Variants in PPM1B observed in about 807,000 individuals in gnomAD.
PPM1B encodes the protein protein phosphatase, Mg2+/Mn2+ dependent 1B.
In PPM1B, 22 loss-of-function variants were observed where a neutral mutation model predicts 43.0. The observed-to-expected ratio is 0.51, with a 90% CI of 0.37 to 0.73. The LOEUF (loss-of-function observed/expected upper bound fraction) is 0.73, where lower values mean the gene tolerates loss of function less well. PPM1B is among the 30% of genes least tolerant of loss of function. The pLI, the probability that PPM1B is intolerant of heterozygous loss-of-function variation, is 0.00. For missense variants in PPM1B, 632 were observed against 584.2 expected (o/e 1.08, Z -0.84); for synonymous variants, 217 against 197.9 (o/e 1.10, Z -0.81).
At chr2:44,234,548 T>C (rs1033257291), downstream of PPM1B, 8 of 984,556 alleles carry the variant, frequency 8.1e-6, no homozygotes, top group African/African-American at 3.5e-5. Context: ...AAAAAAACTT[T>C]TCCGGCAGGG....
At chr2:44,228,332 C>T (rs1027696304) in intron 5 of PPM1B, among the ~76,000 whole-genome samples, 1 of 151,634 alleles carries the variant, frequency 6.6e-6, no homozygotes, top group Non-Finnish European at 1.5e-5. Flanking sequence ...GGACTATGGG[C>T]GTGTTCCTTT....
intron 3 of PPM1B, among the ~76,000 whole-genome samples, chr2:44,209,813 G>A (rs185137433): frequency 1.3e-5 from 2 of 150,558 alleles, no homozygotes; most frequent in Admixed American, 6.6e-5. Flanking sequence ...GGACAAACAA[G>A]TATTTCAAAA....
chr2:44,243,166 ATGAT>A, intron 5 of PPM1B, among the ~76,000 whole-genome samples: 1 of 152,196 alleles, frequency 6.6e-6, no homozygotes. Context: ...TCTACTCACT[ATGAT>A]TGGAGCGGTA....
intron 2 of PPM1B, among the ~76,000 whole-genome samples, chr2:44,204,441 C>G (rs1572719015): frequency 6.6e-6 from 1 of 152,132 alleles, no homozygotes; most frequent in Non-Finnish European, 1.5e-5. Context: ...CTAGTTTTTT[C>G]TAACACCTCC....
rs1667192058 is a variant in PPM1B at position 44,169,225 on chromosome 2, G to C, written c.-64G>C. ...GTTGGAAACTTGGGCTGAGTACCGCGGCGGGCGCGAGCGAGGCGCCCTAGA... is the reference window on the plus strand; with the variant it reads ...GTTGGAAACTTGGGCTGAGTACCGCCGCGGGCGCGAGCGAGGCGCCCTAGA... On this transcript the variant is annotated 5_prime_UTR_variant, in exon 1 of 6. Coordinates refer to ENST00000282412, the MANE Select transcript of PPM1B (RefSeq NM_002706.6). 1 of 154,620 alleles carries C rather than the reference G, an allele frequency of 6.5e-6. No individual in the cohort carries two copies. The highest frequency in any genetic ancestry group is 2.4e-5 in the African/African-American group (1 of 41,472). The allele number at this position is 154,620 out of a possible 1,614,324, so 9.6% of individuals were successfully genotyped here. A position where few individuals can be genotyped will look rare whatever the true frequency, so the allele number is the denominator to read the frequency against.
At chr2:44,177,403 T>A (rs568891534) in intron 1 of PPM1B, among the ~76,000 whole-genome samples, 1 of 148,046 alleles carries the variant, frequency 6.8e-6, no homozygotes, top group South Asian at 2.1e-4. Flanking sequence ...AATTGCAATG[T>A]GAAAGTGAAA....
intron 1 of PPM1B, among the ~76,000 whole-genome samples, chr2:44,175,579 C>T (rs1187029336): frequency 6.6e-6 from 1 of 152,146 alleles, no homozygotes; most frequent in Non-Finnish European, 1.5e-5. Flanking sequence ...TACATTACAG[C>T]TGAACTCCTT....
At chr2:44,171,791 C>G (rs1361002662) in intron 1 of PPM1B, among the ~76,000 whole-genome samples, 2 of 142,436 alleles carry the variant, frequency 1.4e-5, no homozygotes, top group Admixed American at 1.4e-4. Flanking sequence ...GATTGTGCCA[C>G]TGCACTCTAG....
intron 5 of PPM1B, among the ~76,000 whole-genome samples, chr2:44,242,642 G>A (rs1403976327): frequency 6.6e-6 from 1 of 152,148 alleles, no homozygotes; most frequent in African/African-American, 2.4e-5. Flanking sequence ...AAGCTGCTGG[G>A]TAAAATATTG....
intron 2 of PPM1B, among the ~76,000 whole-genome samples, chr2:44,207,036 A>G (rs1669224126): frequency 6.6e-6 from 1 of 152,168 alleles, no homozygotes; most frequent in Admixed American, 6.5e-5. Flanking sequence ...GCCAATTTGG[A>G]AATGGTTTTT....
At chr2:44,226,735 CTTTTTTTTTTTTT>C (rs60750702) in intron 5 of PPM1B, among the ~76,000 whole-genome samples, 3 of 66,692 alleles carry the variant, frequency 4.5e-5, no homozygotes, top group African/African-American at 1.9e-4. Flanking sequence ...AGGTTTTTAT[CTTTTTTTTTTTTT>C]TTTTTTTTTT....
intron 3 of PPM1B, among the ~76,000 whole-genome samples, chr2:44,212,862 A>G (rs1036494133): frequency 2.6e-5 from 4 of 152,124 alleles, no homozygotes; most frequent in African/African-American, 9.6e-5. Context: ...TACAAAAAGA[A>G]ATTAGCTGGG....
chr2:44,182,085 G>T (rs1246587167), intron 1 of PPM1B, among the ~76,000 whole-genome samples: 1 of 152,044 alleles, frequency 6.6e-6, no homozygotes, highest in African/African-American at 2.4e-5. Context: ...TTCTTCTTAC[G>T]ACTGATAGTT....
intron 3 of PPM1B, chr2:44,213,786 T>C (rs1168384848): frequency 6.6e-6 from 1 of 152,192 alleles, no homozygotes; most frequent in African/African-American, 2.4e-5. Context: ...TTATGTCAGA[T>C]GCGGTCATAT....
chr2:44,213,440 C>G (rs1157494718), intron 3 of PPM1B, among the ~76,000 whole-genome samples: 2 of 150,758 alleles, frequency 1.3e-5, no homozygotes, highest in African/African-American at 4.9e-5. Context: ...AGTATAATAG[C>G]TTTGTTGAAT....
chr2:44,201,817 T>C lies in PPM1B; in HGVS notation c.618T>C (p.Asp206=), dbSNP rs1324637570. The change falls in exon 2 of 6, where the codon GAT becomes GAC. Residue 206 remains aspartate (D), a synonymous_variant. Transcript: ENST00000282412. This position sits in a 1 kb window ranked among gnomAD's most constrained non-coding sequence, Gnocchi z 5.4. ...LAVSRALGDY[D]YKCVDGKGPT... ...TATCTCGTGCTCTGGGGGACTATGA[T>C]TACAAGTGTGTTGATGGCAAGGGCC... 1.2e-6 allele frequency: 2 copies of C among 1,614,092 alleles called. No individual in the cohort carries two copies. The highest frequency in any genetic ancestry group is 2.7e-5 in the African/African-American group (2 of 74,940).
chr2:44,231,317 C>G lies in PPM1B; in HGVS notation c.*599C>G, dbSNP rs1572761563. 1.8e-5 allele frequency: 18 copies of G among 980,184 alleles called. No individual in the cohort carries two copies. Among genetic ancestry groups the G allele is most frequent in the Non-Finnish European group, 2.2e-5 (18 of 825,272 alleles). The allele number at this position is 980,184 out of a possible 1,614,324, so 60.7% of individuals were successfully genotyped here. On this transcript the variant is annotated 3_prime_UTR_variant, in exon 6 of 6. Coordinates refer to ENST00000282412, the MANE Select transcript of PPM1B (RefSeq NM_002706.6). The stretch of plus-strand genomic sequence containing the variant: ...TCCTTTCTCTGTATTCTTTATGAAA[C>G]ATAACTTTTGAAAAACCTATGTATT...
chr2:44,173,934 C>G (rs1352692226), intron 1 of PPM1B, among the ~76,000 whole-genome samples: 1 of 152,162 alleles, frequency 6.6e-6, no homozygotes, highest in Admixed American at 6.5e-5. Context: ...AAGAGTGAGA[C>G]CCTGTCTCGA....
At chr2:44,177,739 A>C (rs911323840) in intron 1 of PPM1B, among the ~76,000 whole-genome samples, 1 of 151,702 alleles carries the variant, frequency 6.6e-6, no homozygotes, top group African/African-American at 2.4e-5. Context: ...ATTTCTAAAT[A>C]GCATATAGTA....
Sources: allele counts gnomAD v4.1 joint callset (sites outside exome capture counted in the v4.1 genomes callset), GRCh38; gene constraint gnomAD v4.1.1; non-coding constraint Gnocchi (gnomAD v3.1); transcripts MANE v1.5; gene names NCBI Gene and HGNC (gene_info 2026-07-23, HGNC 2026-07-21).